Variants in DPYSL2 observed in about 807,000 individuals in gnomAD.
DPYSL2 encodes the protein dihydropyrimidinase like 2.
A neutral mutation model predicts 69.9 loss-of-function variants in DPYSL2; 13 were observed. That is an observed-to-expected ratio of 0.19 (90% CI 0.12 to 0.30). The LOEUF (loss-of-function observed/expected upper bound fraction) is 0.30, where lower values mean the gene tolerates loss of function less well. DPYSL2 is among the 10% of genes least tolerant of loss of function. The pLI, the probability that DPYSL2 is intolerant of heterozygous loss-of-function variation, is 1.00. For synonymous variants in DPYSL2, 326 were observed against 359.1 expected (o/e 0.91, Z 1.04); for missense variants, 587 against 918.9 (o/e 0.64, Z 4.67).
chr8:26,632,668 G>A (rs941211093), intron 7 of DPYSL2, among the ~76,000 whole-genome samples: 6 of 152,174 alleles, frequency 3.9e-5, no homozygotes, highest in African/African-American at 7.2e-5. Context: ...GCGAAACCCC[G>A]TGTTGGGACA....
Position 26,514,340 on chromosome 8 carries a change from G to A in DPYSL2, c.15G>A (p.Lys5=). 6.8e-7 allele frequency: 1 copy of A among 1,467,974 alleles called. No homozygotes were observed. Among genetic ancestry groups the A allele is most frequent in the Non-Finnish European group, 9.0e-7 (1 of 1,113,950 alleles). The allele number at this position is 1,467,974 out of a possible 1,614,324, so 90.9% of individuals were successfully genotyped here. The change falls in exon 1 of 14, where the codon AAG becomes AAA. Residue 5 remains lysine (K), a synonymous_variant. Transcript: ENST00000521913. The surrounding 1 kb of genome is among the most constrained non-coding windows in gnomAD (Gnocchi z 8.4). ...GCCCCCGAGCCATGGCCGAGAGAAA[G>A]CAATCCGGGAAGGCGGCAGAGGACG... The part of the protein sequence containing the change: MAER[K]QSGKAAEDEE...
intron 13 of DPYSL2, among the ~76,000 whole-genome samples, chr8:26,655,219 G>A (rs557866232): frequency 6.6e-6 from 1 of 152,120 alleles, no homozygotes; most frequent in Non-Finnish European, 1.5e-5. Flanking sequence ...ATGTGAGGCC[G>A]GGCAGGGTGG....
At chr8:26,600,440 G>T (rs1010697440) in intron 3 of DPYSL2, among the ~76,000 whole-genome samples, 1 of 152,034 alleles carries the variant, frequency 6.6e-6, no homozygotes, top group African/African-American at 2.4e-5. Context: ...CGGTTTCTTC[G>T]CATCCTTGCC....
intron 1 of DPYSL2, among the ~76,000 whole-genome samples, chr8:26,552,410 T>C (rs565816484): frequency 1.3e-3 from 193 of 152,288 alleles, no homozygotes; most frequent in Non-Finnish European, 2.3e-3. Flanking sequence ...ATCAATGGCA[T>C]TGAAAACAGG....
At chr8:26,550,778 T>C (rs1008522698) in intron 1 of DPYSL2, among the ~76,000 whole-genome samples, 1 of 152,054 alleles carries the variant, frequency 6.6e-6, no homozygotes, top group Non-Finnish European at 1.5e-5. Context: ...TCAGTGCAAG[T>C]CTGAAGGCCT....
intron 1 of DPYSL2, among the ~76,000 whole-genome samples, chr8:26,568,457 AAAAC>A (rs1801186459): frequency 6.6e-6 from 1 of 152,210 alleles, no homozygotes; most frequent in Non-Finnish European, 1.5e-5. Context: ...TCACTCCTTG[AAAAC>A]AAACAGGGTG....
intron 1 of DPYSL2, among the ~76,000 whole-genome samples, chr8:26,519,714 G>A (rs1344712129): frequency 2.0e-5 from 3 of 151,958 alleles, no homozygotes; most frequent in African/African-American, 7.3e-5. Context: ...TCTTCCAATA[G>A]TCAATTACGT....
intron 3 of DPYSL2, among the ~76,000 whole-genome samples, chr8:26,612,681 T>G (rs529058113): frequency 6.6e-6 from 1 of 152,326 alleles, no homozygotes; most frequent in Non-Finnish European, 1.5e-5. Context: ...TCATGCACAT[T>G]AGGTTAAGGT....
At chr8:26,583,181 A>T (rs1186393460) in intron 2 of DPYSL2, among the ~76,000 whole-genome samples, 1 of 152,246 alleles carries the variant, frequency 6.6e-6, no homozygotes, top group Non-Finnish European at 1.5e-5. Flanking sequence ...AATATTTTTT[A>T]AAAGTTGGAA....
At chr8:26,543,590 C>T (rs867241407) in intron 1 of DPYSL2, among the ~76,000 whole-genome samples, 2 of 151,776 alleles carry the variant, frequency 1.3e-5, no homozygotes, top group Admixed American at 6.6e-5. Flanking sequence ...AGGGTTCAAG[C>T]GATTCTCCTG....
rs1801137645 is a variant in DPYSL2 at position 26,565,721 on chromosome 8, CATA to C, written c.355-16244_355-16242del. Among the ~76,000 whole-genome samples the C allele has an allele frequency of 6.6e-6, 1 of 152,174 alleles. No homozygotes were observed. ...ACAAAAGGAGTTTATTTGTATATCA[CATA>C]ATAGTTCAAGGTGGGTGTTTCTGTT... On this transcript the variant is annotated intron_variant, in intron 1 of 13. Transcript: ENST00000521913. This position sits in a 1 kb window ranked among gnomAD's most constrained non-coding sequence, Gnocchi z 4.1.
At chr8:26,577,708 A>C in intron 1 of DPYSL2, 2 of 731,926 alleles carry the variant, frequency 2.7e-6, no homozygotes, top group Non-Finnish European at 3.3e-6. Context: ...GGCCCGAAGA[A>C]AGCGCGCGAA....
intron 1 of DPYSL2, among the ~76,000 whole-genome samples, chr8:26,559,516 A>T (rs1801040812): frequency 6.6e-6 from 1 of 152,164 alleles, no homozygotes; most frequent in African/African-American, 2.4e-5. Flanking sequence ...ATAAGATCTC[A>T]ATTTTTAAAA....
Position 26,643,761 on chromosome 8 carries a change from C to T in DPYSL2, c.1283+166C>T, listed in dbSNP as rs1803103333. 6.6e-6 allele frequency among the ~76,000 whole-genome samples: 1 copy of T among 152,128 alleles called. No individual in the cohort carries two copies. Among genetic ancestry groups the T allele is most frequent in the South Asian group, 2.1e-4 (1 of 4,826 alleles). On this transcript the variant is annotated intron_variant, in intron 9 of 13. Transcript: ENST00000521913. The surrounding 1 kb of genome is among the most constrained non-coding windows in gnomAD (Gnocchi z 6.5). ...AGTACAGGGAATTGTCATTCTAGCA[C>T]CATTTTGGGAGGGGATTCTGGATAA...
chr8:26,589,131 G>A (rs6990931), intron 3 of DPYSL2, among the ~76,000 whole-genome samples: 15,188 of 152,148 alleles, frequency 0.1, 859 homozygotes, highest in Non-Finnish European at 0.12. Context: ...TCCACGACGC[G>A]GCCTATTCCT....
intron 1 of DPYSL2, among the ~76,000 whole-genome samples, chr8:26,550,477 C>A (rs1800856425): frequency 6.6e-6 from 1 of 152,042 alleles, no homozygotes; most frequent in Non-Finnish European, 1.5e-5. Flanking sequence ...GTAAATACAC[C>A]AGTTTAGAGA....
rs1242364919 is a variant in DPYSL2 at position 26,644,565 on chromosome 8, A to G, written c.1425+474A>G. Among the ~76,000 whole-genome samples the G allele has an allele frequency of 6.6e-6, 1 of 151,836 alleles. No homozygotes were observed. The highest frequency in any genetic ancestry group is 2.4e-5 in the African/African-American group (1 of 41,282). ...GGTTTAAGCAATGCCTCGGCCTCCCAAAGTGCTGGGATTACAGGTGTGAGC... is the reference window on the plus strand; with the variant it reads ...GGTTTAAGCAATGCCTCGGCCTCCCGAAGTGCTGGGATTACAGGTGTGAGC... On this transcript the variant is annotated intron_variant, in intron 10 of 13. Coordinates refer to ENST00000521913, the MANE Select transcript of DPYSL2 (RefSeq NM_001197293.3). The surrounding 1 kb of genome is among the most constrained non-coding windows in gnomAD (Gnocchi z 4.5).
Position 26,591,902 on chromosome 8 carries a change from C to T in DPYSL2, c.628+7919C>T, listed in dbSNP as rs2129775340. ...GCAATGCGATTGGTCCTGGTGTAGC[C>T]TCCGTGTTGAGTTGTAGGGGAAAGG... On this transcript the variant is annotated intron_variant, in intron 3 of 13. Transcript: ENST00000521913. This position sits in a 1 kb window ranked among gnomAD's most constrained non-coding sequence, Gnocchi z 5.8. 6.6e-6 allele frequency among the ~76,000 whole-genome samples: 1 copy of T among 152,186 alleles called. No individual in the cohort carries two copies. The highest frequency in any genetic ancestry group is 2.1e-4 in the South Asian group (1 of 4,818).
In DPYSL2 at chr8:26,538,239, G is replaced by A. The variant is rs149170560; in HGVS notation, c.354+23560G>A. On this transcript the variant is annotated intron_variant, in intron 1 of 13. Coordinates refer to ENST00000521913, the MANE Select transcript of DPYSL2 (RefSeq NM_001197293.3). ...TGTCAGCAAGATGGTGGACTAGGAG[G>A]CACCAGTGCTTATCTCCCCAACAAA... Among the ~76,000 whole-genome samples the A allele has an allele frequency of 7.9e-4, 121 of 152,216 alleles. 1 individual carries two copies. The highest frequency in any genetic ancestry group is 9.1e-4 in the Non-Finnish European group (62 of 68,016).
Sources: gnomAD v4.1 joint callset for allele counts (sites outside exome capture counted in the v4.1 genomes callset) on GRCh38, gnomAD v4.1.1 for gene constraint, Gnocchi (gnomAD v3.1) non-coding constraint, MANE v1.5 for transcripts, NCBI Gene and HGNC (gene_info 2026-07-23, HGNC 2026-07-21) for gene names.